ZNF875: variants seen among roughly 807,000 people sequenced by gnomAD.
ZNF875 encodes the protein zinc finger protein 875, also known as HKR1, GLI-Kruppel zinc finger family member.
ZNF875 carries 14 observed loss-of-function variants against 11.2 expected under a neutral mutation model. The ratio of observed to expected loss-of-function variants is 1.26; its 90% confidence interval spans 0.83 to 1.96. The LOEUF is 1.96. Among genes scored for constraint, ZNF875 ranks in the 30% most tolerant of loss-of-function variants. The pLI, the probability that ZNF875 is intolerant of heterozygous loss-of-function variation, is 0.00. For synonymous variants in ZNF875, 301 were observed against 281.1 expected, an observed-to-expected ratio of 1.07 and a Z score of -0.71; for missense variants, 752 against 760.4, an observed-to-expected ratio of 0.99 and a Z score of 0.13.
chr19:37,317,187 T>TTG (rs1400546247), upstream of ZNF875: 1 of 131,608 alleles, frequency 7.6e-6, no homozygotes, highest in Non-Finnish European at 1.6e-5. Flanking sequence ...TGGTTTTTTT[T>TTG]TTTTTTTTTT....
intron 2 of ZNF875, among the ~76,000 whole-genome samples, chr19:37,336,953 T>C (rs997678100): frequency 2.6e-5 from 4 of 152,104 alleles, no homozygotes; most frequent in Admixed American, 2.0e-4. Context: ...ATACAGACTA[T>C]CTATTCACAC....
intron 4 of ZNF875, 168 bp from the exon 5 acceptor site, chr19:37,361,941 A>G: frequency 1.7e-6 from 1 of 578,928 alleles, no homozygotes; most frequent in Non-Finnish European, 3.0e-6. Context: ...AACAAAAGAA[A>G]GTGTAATGCA....
chr19:37,344,492 A>G (rs980327826), intron 2 of ZNF875: 1 of 551,298 alleles, frequency 1.8e-6, no homozygotes, highest in Non-Finnish European at 3.3e-6. Flanking sequence ...GCATCAGGAA[A>G]AGTGCTTAAT....
At chr19:37,336,426 AG>A (rs1316079970) in intron 2 of ZNF875, among the ~76,000 whole-genome samples, 1 of 150,158 alleles carries the variant, frequency 6.7e-6, no homozygotes, top group Non-Finnish European at 1.5e-5. Flanking sequence ...CAGCCTCCTG[AG>A]TAGCTGGGAC....
At chr19:37,339,356 C>T (rs1044564714) in intron 2 of ZNF875, among the ~76,000 whole-genome samples, 3 of 151,996 alleles carry the variant, frequency 2.0e-5, no homozygotes, top group African/African-American at 7.2e-5. Context: ...TGAACTCATC[C>T]ATTGTTTCCC....
chr19:37,323,878 C>T (rs1218533846), intron 3 of ZNF875, among the ~76,000 whole-genome samples: 3 of 152,178 alleles, frequency 2.0e-5, no homozygotes, highest in Non-Finnish European at 4.4e-5. Flanking sequence ...ATGCACACCC[C>T]GGTGCATGTG....
rs367724295 is a variant in ZNF875, at chr19:37,319,789, CCT to C, written c.-747+1612_-747+1613del. ...CTCCCTGCTGAACAACCATTTTTTT[CCT>C]CTCTCTCTTCTCTTGTCTACACTTG... On this transcript the variant is annotated intron_variant, in intron 1 of 5. Transcript: ENST00000544914. Among the ~76,000 whole-genome samples the C allele has an allele frequency of 1.5e-4, 23 of 152,184 alleles. No individual in the cohort carries two copies. In the East Asian group the frequency reaches 3.7e-3, roughly 24 times the overall value.
upstream of ZNF875, among the ~76,000 whole-genome samples, chr19:37,329,772 AC>A (rs1173892080): frequency 2.0e-5 from 3 of 152,188 alleles, no homozygotes; most frequent in African/African-American, 7.2e-5. Flanking sequence ...TCAGTGGACT[AC>A]AGTGTGGTAC....
In ZNF875 at chr19:37,364,291, A is replaced by T. The variant is rs945200480; in HGVS notation, c.*516A>T. The T allele has an allele frequency of 6.3e-6, 1 of 158,388 alleles. No homozygotes were observed. The highest frequency in any genetic ancestry group is 1.4e-5 in the Non-Finnish European group (1 of 71,984). The allele number at this position is 158,388 out of a possible 1,614,324, so 9.8% of individuals were successfully genotyped here. On this transcript the variant is annotated 3_prime_UTR_variant, in exon 5 of 5. Coordinates refer to ENST00000392153, the MANE Select transcript of ZNF875 (RefSeq NM_001353803.2). ...CCTTTGCATACTTACAAATCAGTCA[A>T]CGTGTATTCCCCTATTCTGAGCCCA...
At chr19:37,350,076 C>T (rs1397577060) in intron 4 of ZNF875, among the ~76,000 whole-genome samples, 1 of 128,008 alleles carries the variant, frequency 7.8e-6, no homozygotes, top group African/African-American at 3.1e-5. Flanking sequence ...GGATTACAGA[C>T]GTGAGCCACC....
At chr19:37,326,650 G>C (rs1369489408) in intron 4 of ZNF875, among the ~76,000 whole-genome samples, 2 of 131,920 alleles carry the variant, frequency 1.5e-5, no homozygotes, top group Non-Finnish European at 3.2e-5. Context: ...AAATTCTAAA[G>C]TTAAATTAGA....
chr19:37,340,092 C>T (rs2035372089), intron 2 of ZNF875, among the ~76,000 whole-genome samples: 2 of 152,090 alleles, frequency 1.3e-5, no homozygotes, highest in African/African-American at 4.8e-5. Flanking sequence ...AAGTGATTCT[C>T]CTGCCTCAGC....
At chr19:37,354,396 G>A (rs2038536742) in intron 4 of ZNF875, among the ~76,000 whole-genome samples, 1 of 150,120 alleles carries the variant, frequency 6.7e-6, no homozygotes, top group African/African-American at 2.5e-5. Flanking sequence ...TCTTCTGGCT[G>A]GTTATGTATA....
At chr19:37,357,080 T>A (rs541290498) in intron 4 of ZNF875, among the ~76,000 whole-genome samples, 7 of 152,238 alleles carry the variant, frequency 4.6e-5, no homozygotes, top group Non-Finnish European at 8.8e-5. Flanking sequence ...GAATAGGGTG[T>A]CCTTTCCCCA....
At chr19:37,359,919 GTTT>G (rs2039628543) in intron 4 of ZNF875, 1 of 152,160 alleles carries the variant, frequency 6.6e-6, no homozygotes, top group African/African-American at 2.4e-5. Flanking sequence ...AGGCACAAAA[GTTT>G]TAAATGCTGA....
chr19:37,318,524 CTT>C (rs1233207140), intron 1 of ZNF875, among the ~76,000 whole-genome samples: 29 of 138,932 alleles, frequency 2.1e-4, no homozygotes, highest in Non-Finnish European at 2.0e-4. Context: ...TATTTGTTTT[CTT>C]TTTTTTTTTT....
intron 4 of ZNF875, among the ~76,000 whole-genome samples, chr19:37,355,439 C>T (rs369863199): frequency 2.6e-5 from 4 of 152,150 alleles, no homozygotes; most frequent in African/African-American, 9.7e-5. Flanking sequence ...CTGCTCACCT[C>T]GGTCTCCCAA....
At chr19:37,350,180 C>T (rs1399802573) in intron 4 of ZNF875, among the ~76,000 whole-genome samples, 3 of 141,590 alleles carry the variant, frequency 2.1e-5, no homozygotes, top group Non-Finnish European at 3.0e-5. Flanking sequence ...GGCGCAATCT[C>T]GGCTCACTGC....
chr19:37,355,934 T>C (rs1048590381), intron 4 of ZNF875, among the ~76,000 whole-genome samples: 5 of 152,182 alleles, frequency 3.3e-5, no homozygotes, highest in Admixed American at 3.3e-4. Context: ...ACCTCCATCC[T>C]TTTTCCCCTG....
Sources: allele counts gnomAD v4.1 joint callset (sites outside exome capture counted in the v4.1 genomes callset), GRCh38; gene constraint gnomAD v4.1.1; transcripts MANE v1.5; gene names NCBI Gene and HGNC (gene_info 2026-07-23, HGNC 2026-07-21).